The following GALNT10 variants were observed in gnomAD, a reference collection of about 807,000 sequenced individuals.
The protein encoded by GALNT10 is polypeptide N-acetylgalactosaminyltransferase 10.
Under a neutral mutation model 75.0 loss-of-function variants are expected in GALNT10, and 41 were observed. That is an observed-to-expected ratio of 0.55 (90% confidence interval 0.43 to 0.71). The LOEUF is 0.71. GALNT10 is among the 30% of genes least tolerant of loss of function. The pLI is 0.00. For synonymous variants in GALNT10, 302 were observed against 313.0 expected (o/e 0.96, Z 0.37); for missense variants, 727 against 818.5 (o/e 0.89, Z 1.36).
At chr5:154,363,739 A>G (rs2113158297) in intron 4 of GALNT10, among the ~76,000 whole-genome samples, 1 of 152,156 alleles carries the variant, frequency 6.6e-6, no homozygotes, top group East Asian at 1.9e-4. Flanking sequence ...TTTATTGATA[A>G]ATATCCTGCC....
Position 154,345,407 on chromosome 5 carries a change from T to A in GALNT10, c.568+15669T>A, listed in dbSNP as rs1409592035. 2.0e-5 allele frequency among the ~76,000 whole-genome samples: 3 copies of A among 152,222 alleles called. No individual in the cohort carries two copies. The East Asian group carries it at 5.8e-4, about 29-fold the overall frequency. On this transcript the variant is annotated intron_variant, in intron 4 of 11. Coordinates refer to ENST00000297107, the MANE Select transcript of GALNT10 (RefSeq NM_198321.4). ...ACATTAGGTCTCCAGAACTTACTCATCTTTGAACTGAAAGTTTGTACCCTT... is the reference window on the plus strand; with the variant it reads ...ACATTAGGTCTCCAGAACTTACTCAACTTTGAACTGAAAGTTTGTACCCTT...
At chr5:154,323,888 G>A (rs372331512) in intron 3 of GALNT10, among the ~76,000 whole-genome samples, 6 of 152,214 alleles carry the variant, frequency 3.9e-5, no homozygotes, top group East Asian at 1.9e-4. Flanking sequence ...GTGGAGTGCC[G>A]CAGCACTGGG....
intron 1 of GALNT10, among the ~76,000 whole-genome samples, chr5:154,243,755 G>A (rs550088284): frequency 2.7e-4 from 41 of 152,332 alleles, no homozygotes; most frequent in African/African-American, 9.9e-4. Flanking sequence ...GATCTTTCAG[G>A]GAAGGAGTAT....
At chr5:154,359,907 C>A (rs1478902218) in intron 4 of GALNT10, among the ~76,000 whole-genome samples, 1 of 151,854 alleles carries the variant, frequency 6.6e-6, no homozygotes, top group African/African-American at 2.4e-5. Flanking sequence ...ATTGGGAAAG[C>A]CACTTCAGAG....
chr5:154,399,735 G>A (rs901302017), intron 7 of GALNT10, among the ~76,000 whole-genome samples: 1 of 152,222 alleles, frequency 6.6e-6, no homozygotes, highest in Non-Finnish European at 1.5e-5. Flanking sequence ...TACGGGCAGA[G>A]CACTGTGCTA....
chr5:154,317,767 A>G (rs1226896224), intron 3 of GALNT10, among the ~76,000 whole-genome samples: 2 of 152,250 alleles, frequency 1.3e-5, no homozygotes, highest in Non-Finnish European at 2.9e-5. Flanking sequence ...ACTTAAGTAA[A>G]GAAAATGTAT....
intron 1 of GALNT10, among the ~76,000 whole-genome samples, chr5:154,229,094 G>T (rs79821146): frequency 0.018 from 2,758 of 152,266 alleles, 63 homozygotes; most frequent in African/African-American, 0.062. Context: ...ACGTGGGATT[G>T]ATTGCATTTT....
chr5:154,401,113 TG>T lies in GALNT10; in HGVS notation c.1057-2989del, dbSNP rs560270058. ...GCCTCCCGACATATCAGGGTCACCC[TG>T]GTCCCTCAGGAACCTTCAGGCTGAT... On this transcript the variant is annotated intron_variant, in intron 7 of 11. Transcript: ENST00000297107. Among the ~76,000 whole-genome samples the T allele has an allele frequency of 3.1e-3, 474 of 152,314 alleles. 2 individuals are homozygous for T. Among genetic ancestry groups the T allele is most frequent in the African/African-American group, 0.011 (465 of 41,566 alleles).
intron 5 of GALNT10, among the ~76,000 whole-genome samples, chr5:154,379,581 T>C (rs981865289): frequency 6.6e-6 from 1 of 152,200 alleles, no homozygotes; most frequent in Non-Finnish European, 1.5e-5. Context: ...TAGCTCACTG[T>C]TACCCCCCAG....
At chr5:154,220,321 C>G (rs1005673965) in intron 1 of GALNT10, 2 of 152,178 alleles carry the variant, frequency 1.3e-5, no homozygotes, top group African/African-American at 4.8e-5. Flanking sequence ...CAGAGAGCCA[C>G]CATGCAGGAA....
chr5:154,292,984 T>C (rs559812739), intron 1 of GALNT10, among the ~76,000 whole-genome samples: 4 of 147,732 alleles, frequency 2.7e-5, no homozygotes, highest in South Asian at 2.1e-4. Context: ...AGTTTTTTTT[T>C]CCCCTCTCTA....
chr5:154,400,843 G>GC (rs1756146395), intron 7 of GALNT10, among the ~76,000 whole-genome samples: 2 of 152,128 alleles, frequency 1.3e-5, no homozygotes, highest in Non-Finnish European at 2.9e-5. Flanking sequence ...GTGGAGGGCT[G>GC]CACGGGGCTC....
chr5:154,368,409 T>C (rs1203249113), intron 4 of GALNT10, among the ~76,000 whole-genome samples: 1 of 152,054 alleles, frequency 6.6e-6, no homozygotes, highest in African/African-American at 2.4e-5. Context: ...TTTAAATGGG[T>C]GAATTGCATA....
At position 154,418,607 on chromosome 5, in the gene GALNT10, C is replaced by T. The variant is rs750931175; in HGVS notation, c.*1635C>T. The T allele has an allele frequency of 1.3e-5, 2 of 152,192 alleles. No individual in the cohort carries two copies. The highest frequency in any genetic ancestry group is 2.1e-4 in the South Asian group (1 of 4,832). The allele number at this position is 152,192 out of a possible 1,614,324, so 9.4% of individuals were successfully genotyped here. ...AGACCTAAGTCTGGGAACAGAGCCA[C>T]GAATCTGCCTTTGAGATGCTGGCAG... is the stretch of plus-strand genomic sequence containing the variant. On this transcript the variant is annotated 3_prime_UTR_variant, in exon 12 of 12. Transcript: ENST00000297107.
intron 4 of GALNT10, chr5:154,338,394 C>G (rs1754976439): frequency 2.4e-6 from 1 of 422,444 alleles, no homozygotes; most frequent in African/African-American, 2.0e-5. Flanking sequence ...AAAGCTCAAC[C>G]CTCCAATGAA....
chr5:154,221,043 G>A (rs1038045020), intron 1 of GALNT10, among the ~76,000 whole-genome samples: 2 of 152,166 alleles, frequency 1.3e-5, no homozygotes, highest in African/African-American at 4.8e-5. Flanking sequence ...CTCTGTTCCA[G>A]GATTCTCAGG....
At chr5:154,386,005 A>T (rs1015087635) in intron 6 of GALNT10, among the ~76,000 whole-genome samples, 11 of 152,312 alleles carry the variant, frequency 7.2e-5, no homozygotes, top group Non-Finnish European at 1.5e-4. Flanking sequence ...TAACATGTAC[A>T]TATTTATGAT....
chr5:154,260,486 AC>A (rs1205095885), intron 1 of GALNT10, among the ~76,000 whole-genome samples: 2 of 152,034 alleles, frequency 1.3e-5, no homozygotes, highest in Non-Finnish European at 2.9e-5. Context: ...AGCCTTTGTT[AC>A]TTAATTAGTC....
At chr5:154,318,496 T>C (rs1219295764) in intron 3 of GALNT10, among the ~76,000 whole-genome samples, 1 of 152,196 alleles carries the variant, frequency 6.6e-6, no homozygotes, top group Non-Finnish European at 1.5e-5. Flanking sequence ...ACTTCATTCC[T>C]TGCCAGCTAT....
Sources: gnomAD v4.1 joint callset for allele counts (sites outside exome capture counted in the v4.1 genomes callset) on GRCh38, gnomAD v4.1.1 for gene constraint, MANE v1.5 for transcripts, NCBI Gene and HGNC (gene_info 2026-07-23, HGNC 2026-07-21) for gene names.